The following SLC35F4 variants were observed in gnomAD, a reference collection of about 807,000 sequenced individuals.
The protein encoded by SLC35F4 is chromosome 14 open reading frame 36.
Under a neutral mutation model 44.2 loss-of-function variants are expected in SLC35F4, and 24 were observed. That is an observed-to-expected ratio of 0.54 (90% CI 0.39 to 0.76). The LOEUF (loss-of-function observed/expected upper bound fraction) is 0.76. SLC35F4 is among the 30% of genes least tolerant of loss of function. The probability of loss-of-function intolerance (pLI) is 0.00; values close to 1 mark genes in which losing one functional copy is unlikely to be tolerated. For synonymous variants in SLC35F4, 238 were observed against 223.6 expected (o/e 1.06, Z -0.57); for missense variants, 562 against 586.1 (o/e 0.96, Z 0.42).
At chr14:57,694,549 T>A (rs1213648647) in intron 1 of SLC35F4, among the ~76,000 whole-genome samples, 5 of 152,164 alleles carry the variant, frequency 3.3e-5, no homozygotes, top group Admixed American at 6.6e-5. Context: ...ATAGAAACAG[T>A]TTTTCCAGCT....
intron 1 of SLC35F4, among the ~76,000 whole-genome samples, chr14:57,615,859 C>A (rs1431298236): frequency 6.6e-6 from 1 of 152,134 alleles, no homozygotes. Context: ...AGATCTGGAG[C>A]TTTGCCTGAA....
intron 1 of SLC35F4, among the ~76,000 whole-genome samples, chr14:57,798,284 G>A (rs2078104548): frequency 6.6e-6 from 1 of 152,040 alleles, no homozygotes; most frequent in African/African-American, 2.4e-5. Context: ...AAACACCTAG[G>A]TAGGTATCAC....
At chr14:57,934,532 T>C (rs1171244336) in intron 1 of SLC35F4, among the ~76,000 whole-genome samples, 1 of 151,924 alleles carries the variant, frequency 6.6e-6, no homozygotes, top group African/African-American at 2.4e-5. Context: ...TCTCTAAATT[T>C]GAAAGTTTAA....
chr14:57,715,704 G>A, intron 1 of SLC35F4, among the ~76,000 whole-genome samples: 1 of 152,190 alleles, frequency 6.6e-6, no homozygotes, highest in East Asian at 1.9e-4. Flanking sequence ...CTGGCACTTA[G>A]TAGATGTTCA....
intron 1 of SLC35F4, among the ~76,000 whole-genome samples, chr14:57,752,706 G>A (rs1239945571): frequency 6.6e-6 from 1 of 152,102 alleles, no homozygotes; most frequent in African/African-American, 2.4e-5. Flanking sequence ...TGATCCACCC[G>A]CCTCGGCCTC....
intron 1 of SLC35F4, among the ~76,000 whole-genome samples, chr14:57,784,450 A>G (rs571467605): frequency 6.6e-6 from 1 of 152,258 alleles, no homozygotes; most frequent in African/African-American, 2.4e-5. Context: ...TTGGGAGGCC[A>G]AGGCAGGAGG....
At chr14:57,678,078 C>T (rs1413837260) in intron 1 of SLC35F4, among the ~76,000 whole-genome samples, 1 of 151,954 alleles carries the variant, frequency 6.6e-6, no homozygotes, top group African/African-American at 2.4e-5. Context: ...TCATCAGATT[C>T]GCCAAGGTTG....
At chr14:57,778,579 T>A (rs2140729270) in intron 1 of SLC35F4, among the ~76,000 whole-genome samples, 1 of 151,300 alleles carries the variant, frequency 6.6e-6, no homozygotes, top group South Asian at 2.1e-4. Context: ...AGGCAGAAAA[T>A]CAACAAAATA....
intron 1 of SLC35F4, among the ~76,000 whole-genome samples, chr14:57,744,810 T>C (rs987812879): frequency 6.6e-6 from 1 of 152,180 alleles, no homozygotes; most frequent in African/African-American, 2.4e-5. Flanking sequence ...AGAACAAAGC[T>C]GGAGGCATCA....
At chr14:57,634,854 G>A (rs535133463) in intron 1 of SLC35F4, among the ~76,000 whole-genome samples, 6 of 152,248 alleles carry the variant, frequency 3.9e-5, no homozygotes, top group African/African-American at 1.4e-4. Context: ...ATGAAGACAA[G>A]TAGCTAGGGC....
intron 1 of SLC35F4, among the ~76,000 whole-genome samples, chr14:57,795,070 A>G (rs1417552321): frequency 6.6e-6 from 1 of 152,132 alleles, no homozygotes; most frequent in Non-Finnish European, 1.5e-5. Flanking sequence ...TCCCTTCCTC[A>G]AAAGGTTGTA....
intron 1 of SLC35F4, among the ~76,000 whole-genome samples, chr14:57,637,888 GAC>G (rs1313414385): frequency 1.3e-5 from 2 of 152,018 alleles, no homozygotes; most frequent in East Asian, 3.9e-4. Context: ...TGGGAGGTCA[GAC>G]ACACTTCTTT....
At chr14:57,748,428 G>GT (rs969497425) in intron 1 of SLC35F4, among the ~76,000 whole-genome samples, 5 of 151,812 alleles carry the variant, frequency 3.3e-5, no homozygotes, top group Admixed American at 1.3e-4. Flanking sequence ...GCTACAGTGG[G>GT]TTTTTTTTAA....
intron 1 of SLC35F4, among the ~76,000 whole-genome samples, chr14:57,942,068 A>G (rs1435908097): frequency 6.6e-6 from 1 of 152,212 alleles, no homozygotes; most frequent in Non-Finnish European, 1.5e-5. Context: ...TTCTCCACTT[A>G]AAATTGCACA....
At chr14:57,695,849 T>G (rs1388990326) in intron 1 of SLC35F4, among the ~76,000 whole-genome samples, 1 of 152,110 alleles carries the variant, frequency 6.6e-6, no homozygotes, top group Non-Finnish European at 1.5e-5. Context: ...CCATAAAAAA[T>G]TATGAGTTCA....
chr14:57,977,665 T>G (rs1324174763), intron 1 of SLC35F4, among the ~76,000 whole-genome samples: 1 of 152,196 alleles, frequency 6.6e-6, no homozygotes, highest in Admixed American at 6.5e-5. Context: ...ATCCCAAGTC[T>G]CATGGCACTT....
chr14:57,578,307 G>A (rs2068948794), intron 4 of SLC35F4, among the ~76,000 whole-genome samples: 1 of 116,624 alleles, frequency 8.6e-6, no homozygotes, highest in Non-Finnish European at 1.7e-5. Context: ...TCTGATGACT[G>A]AAAGCATCCC....
intron 1 of SLC35F4, among the ~76,000 whole-genome samples, chr14:57,641,445 A>G (rs772485483): frequency 2.0e-5 from 3 of 151,936 alleles, no homozygotes; most frequent in Non-Finnish European, 4.4e-5. Flanking sequence ...GCAAAACCCA[A>G]TAAAACAGAA....
At chr14:57,751,995 T>C (rs2076895667) in intron 1 of SLC35F4, among the ~76,000 whole-genome samples, 1 of 152,086 alleles carries the variant, frequency 6.6e-6, no homozygotes, top group Non-Finnish European at 1.5e-5. Flanking sequence ...CATTATTTTT[T>C]CCAAATACAT....
Sources: gnomAD v4.1 joint callset for allele counts (sites outside exome capture counted in the v4.1 genomes callset) on GRCh38, gnomAD v4.1.1 for gene constraint, MANE v1.5 for transcripts, NCBI Gene and HGNC (gene_info 2026-07-23, HGNC 2026-07-21) for gene names.